The following AK9 variants were observed in gnomAD, a reference collection of about 807,000 sequenced individuals.
The protein encoded by AK9 is adenylate kinase domain containing 1.
A neutral mutation model predicts 239.6 loss-of-function variants in AK9; 191 were observed. The observed-to-expected ratio is 0.80, with a 90% CI of 0.71 to 0.90. AK9 has a LOEUF of 0.90. AK9 is among the 40% of genes least tolerant of loss of function. The pLI, the probability that AK9 is intolerant of heterozygous loss-of-function variation, is 0.00. For missense variants in AK9, 1,995 were observed against 2,214.7 expected (o/e 0.90, Z 1.99); for synonymous variants, 689 against 721.0 (o/e 0.96, Z 0.71).
chr6:109,500,931 A>T (rs1777544188), intron 35 of AK9, among the ~76,000 whole-genome samples: 1 of 152,128 alleles, frequency 6.6e-6, no homozygotes, highest in Non-Finnish European at 1.5e-5. Flanking sequence ...AGTGGGAGGA[A>T]CACTTGAGCT....
intron 19 of AK9, among the ~76,000 whole-genome samples, chr6:109,583,721 A>G (rs562293277): frequency 1.1e-4 from 17 of 152,286 alleles, no homozygotes; most frequent in Admixed American, 7.9e-4. Flanking sequence ...ATATGGTTAA[A>G]GAGGTGAAGG....
At chr6:109,594,078 T>C (rs1452485515) in intron 17 of AK9, among the ~76,000 whole-genome samples, 2 of 152,146 alleles carry the variant, frequency 1.3e-5, no homozygotes, top group East Asian at 3.9e-4. Flanking sequence ...CCAAAATTTA[T>C]CTCTTTGCAG....
chr6:109,571,862 CA>C (rs1293152559), intron 21 of AK9, among the ~76,000 whole-genome samples: 1 of 152,102 alleles, frequency 6.6e-6, no homozygotes, highest in East Asian at 1.9e-4. Context: ...GAATAATTGA[CA>C]AAACTTATTT....
intron 32 of AK9, among the ~76,000 whole-genome samples, chr6:109,510,877 A>T (rs903769560): frequency 1.3e-5 from 2 of 152,214 alleles, no homozygotes; most frequent in Non-Finnish European, 2.9e-5. Flanking sequence ...CAAATTTATC[A>T]GTTCACCTTA....
chr6:109,569,466 A>G (rs1037674236), intron 21 of AK9, among the ~76,000 whole-genome samples: 1 of 152,226 alleles, frequency 6.6e-6, no homozygotes, highest in African/African-American at 2.4e-5. Context: ...GCCCAGCAAA[A>G]GAAACTACCA....
intron 17 of AK9, among the ~76,000 whole-genome samples, chr6:109,590,290 T>C (rs1173017062): frequency 1.3e-5 from 2 of 152,118 alleles, no homozygotes; most frequent in African/African-American, 4.8e-5. Flanking sequence ...TTCTAGTTCA[T>C]CTTGGGAGGA....
intron 17 of AK9, among the ~76,000 whole-genome samples, chr6:109,597,071 A>G (rs1187132694): frequency 6.6e-6 from 1 of 152,076 alleles, no homozygotes; most frequent in East Asian, 1.9e-4. Flanking sequence ...TTTTACTAAC[A>G]TTGTGTTTTT....
intron 20 of AK9, among the ~76,000 whole-genome samples, chr6:109,574,968 C>G (rs1208322634): frequency 6.6e-6 from 1 of 152,164 alleles, no homozygotes; most frequent in Admixed American, 6.5e-5. Context: ...GTTTGGTTTT[C>G]TATTCCTGAG....
intron 27 of AK9, among the ~76,000 whole-genome samples, chr6:109,537,910 C>T (rs977558466): frequency 6.6e-5 from 10 of 152,052 alleles, no homozygotes; most frequent in East Asian, 3.9e-4. Flanking sequence ...TGCAGTTGAG[C>T]GGTTTTGAGT....
rs182814295 is a variant in AK9, at chr6:109,493,735, C to T, written c.5534-164G>A. On this transcript the variant is annotated intron_variant, in intron 40 of 40. Transcript: ENST00000424296. ...TTATTCTGTTTTAGGTCATAATTGC[C>T]TCTATTCACCCTTCTTTATGGCATG... Among the ~76,000 whole-genome samples the T allele has an allele frequency of 9.2e-5, 14 of 152,302 alleles. No individual in the cohort carries two copies. The East Asian group carries it at 2.1e-3, about 23-fold the overall frequency.
intron 13 of AK9, among the ~76,000 whole-genome samples, chr6:109,618,888 A>AT (rs5879034): frequency 0.58 from 88,412 of 151,796 alleles, 27,425 homozygotes; most frequent in East Asian, 0.84. Context: ...ATTCTGATTC[A>AT]TTCCTTAGAG....
chr6:109,499,213 C>T lies in AK9; in HGVS notation c.4877G>A (p.Cys1626Tyr). The change falls in exon 36 of 41, where the codon TGT becomes TAT. Residue 1626 changes from cysteine (C) to tyrosine (Y), a missense_variant. By Grantham distance (194) the Cys-to-Tyr change is radical (BLOSUM62 -2). Coordinates refer to ENST00000424296, the MANE Select transcript of AK9 (RefSeq NM_001145128.3). ...AGAAAGCAGCTCTTGAGGTGTGATACATAACTTGTCAATGCAGGCAGCTTT... is the reference window on the plus strand; with the variant it reads ...AGAAAGCAGCTCTTGAGGTGTGATATATAACTTGTCAATGCAGGCAGCTTT... ...AGKAACIDKL[C>Y]ITPQELLSRL... 1.3e-6 allele frequency: 2 copies of T among 1,551,224 alleles called. No homozygotes were observed. Among genetic ancestry groups the T allele is most frequent in the Admixed American group, 4.0e-5 (2 of 50,300 alleles).
chr6:109,596,562 A>C (rs1242648740), intron 17 of AK9, among the ~76,000 whole-genome samples: 1 of 152,176 alleles, frequency 6.6e-6, no homozygotes, highest in Non-Finnish European at 1.5e-5. Flanking sequence ...TTGCACCTGA[A>C]GGGAGGGGTA....
chr6:109,550,416 T>G (rs923939474), intron 24 of AK9, 114 bp from the exon 25 acceptor site: 8 of 904,204 alleles, frequency 8.8e-6, no homozygotes, highest in Middle Eastern at 2.6e-4. Context: ...TTGAAAACTA[T>G]CCACAAAAAG....
chr6:109,618,961 C>T, intron 13 of AK9, 131 bp downstream of exon 13: 1 of 1,003,870 alleles, frequency 1.0e-6, no homozygotes, highest in Non-Finnish European at 1.4e-6. Context: ...ATTCTTCAAC[C>T]ATTTGTTAAG....
Position 109,494,083 on chromosome 6 carries a change from A to G in AK9, c.5431T>C (p.Ser1811Pro). Residue 1811 changes from serine to proline, a missense_variant, in exon 40 of 41, where the codon TCT becomes CCT. Transcript: ENST00000424296. ...GCTGCATTCATTGCTTTAATTAGAGAAGTTGCAATACCCTGCAGGGAGGGA... is the reference window on the plus strand; with the variant it reads ...GCTGCATTCATTGCTTTAATTAGAGGAGTTGCAATACCCTGCAGGGAGGGA... ...PGYLEQGIAT[S>P]LIKAMNAAGC... is the part of the protein sequence containing the mutation. 6.2e-7 allele frequency: 1 copy of G among 1,612,998 alleles called. No homozygotes were observed. Among genetic ancestry groups the G allele is most frequent in the Non-Finnish European group, 8.5e-7 (1 of 1,179,144 alleles).
intron 10 of AK9, among the ~76,000 whole-genome samples, chr6:109,634,552 G>A (rs767157895): frequency 1.8e-4 from 28 of 152,220 alleles, no homozygotes; most frequent in Non-Finnish European, 3.4e-4. Context: ...ATGCAGATGA[G>A]ATTGTGAGCT....
intron 8 of AK9, among the ~76,000 whole-genome samples, chr6:109,652,265 A>G (rs1799076912): frequency 6.6e-6 from 1 of 152,248 alleles, no homozygotes; most frequent in African/African-American, 2.4e-5. Flanking sequence ...CAAATGAATA[A>G]ATGTAATCCA....
At chr6:109,501,924 G>A (rs924997774) in intron 35 of AK9, among the ~76,000 whole-genome samples, 2 of 152,156 alleles carry the variant, frequency 1.3e-5, no homozygotes, top group African/African-American at 4.8e-5. Context: ...TAAAACAAAT[G>A]ACTTTGAACC....
Sources: gnomAD v4.1 joint callset for allele counts (sites outside exome capture counted in the v4.1 genomes callset) on GRCh38, gnomAD v4.1.1 for gene constraint, MANE v1.5 for transcripts, NCBI Gene and HGNC (gene_info 2026-07-23, HGNC 2026-07-21) for gene names.